The following TRPC5 variants were observed in gnomAD, a reference collection of about 807,000 sequenced individuals.
TRPC5 encodes the protein short transient receptor potential channel 5.
Under a neutral mutation model 56.5 loss-of-function variants are expected in TRPC5, and 9 were observed. The ratio of observed to expected loss-of-function variants is 0.16; its 90% CI spans 0.10 to 0.28. The LOEUF (loss-of-function observed/expected upper bound fraction) is 0.28. Among genes scored for constraint, TRPC5 ranks in the 10% least tolerant of loss-of-function variants. TRPC5 has a pLI of 1.00. For missense variants in TRPC5, 469 were observed against 748.9 expected (o/e 0.63, Z 4.36); for synonymous variants, 282 against 278.5 (o/e 1.01, Z -0.13).
At chrX:111,935,083 C>T (rs1926528182) in intron 2 of TRPC5, among the ~76,000 whole-genome samples, 1 of 111,812 alleles carries the variant, frequency 8.9e-6, no homozygotes, top group African/African-American at 3.3e-5. Flanking sequence ...TTTACATTCC[C>T]ACCAACAGTG....
At chrX:111,909,456 C>T (rs1925746222) in intron 3 of TRPC5, among the ~76,000 whole-genome samples, 2 of 111,086 alleles carry the variant, frequency 1.8e-5, no homozygotes, top group Middle Eastern at 9.3e-3. Flanking sequence ...AAAACTTGTG[C>T]ATCTTCAAAA....
At chrX:111,902,691 G>C (rs1224452271) in intron 3 of TRPC5, 1 of 112,090 alleles carries the variant, frequency 8.9e-6, no homozygotes, top group East Asian at 2.8e-4. Flanking sequence ...GAAAGCATGT[G>C]TCCGACAAAA....
chrX:111,794,642 C>T (rs965708418), intron 7 of TRPC5, among the ~76,000 whole-genome samples: 4 of 111,616 alleles, frequency 3.6e-5, no homozygotes, highest in African/African-American at 1.3e-4. Context: ...ATTTATTTCT[C>T]ACAATTCTGG....
chrX:111,918,637 T>C (rs377459819), intron 2 of TRPC5, among the ~76,000 whole-genome samples: 1 of 111,161 alleles, frequency 9.0e-6, no homozygotes. Flanking sequence ...GTTCAGGTGA[T>C]TGCACTTGAA....
At chrX:112,023,234 G>GTTTTTTTTTTTTTTTTT (rs749260030) in intron 1 of TRPC5, among the ~76,000 whole-genome samples, 1 of 45,962 alleles carries the variant, frequency 2.2e-5, no homozygotes, top group Non-Finnish European at 4.1e-5. Context: ...GCGCCCAGCA[G>GTTTTTTTTTTTTTTTTT]TTTTTTTTTT....
At chrX:112,024,818 C>A (rs925699243) in intron 1 of TRPC5, among the ~76,000 whole-genome samples, 4 of 111,780 alleles carry the variant, frequency 3.6e-5, no homozygotes, top group South Asian at 3.8e-4. Flanking sequence ...GACCTGTAAT[C>A]CTGACTCAAT....
intron 1 of TRPC5, among the ~76,000 whole-genome samples, chrX:111,956,770 C>A (rs938989466): frequency 9.0e-6 from 1 of 111,650 alleles, no homozygotes; most frequent in South Asian, 3.8e-4. Context: ...TCTAGAATAA[C>A]CCCCAGCCCA....
chrX:111,768,490 G>A lies in TRPC5; in HGVS notation c.*7823C>T, dbSNP rs1002693226. ...TGGAATAAATAGAATCCTGTGAAGAGTTTAACTATTGTTCTGTTGAATAGT... is the reference window on the plus strand; with the variant it reads ...TGGAATAAATAGAATCCTGTGAAGAATTTAACTATTGTTCTGTTGAATAGT... On this transcript the variant is annotated 3_prime_UTR_variant, in exon 11 of 11. Transcript: ENST00000262839. Among the ~76,000 whole-genome samples the A allele has an allele frequency of 9.8e-5, 11 of 111,837 alleles. No homozygotes were observed. The highest frequency in any genetic ancestry group is 1.3e-4 in the Non-Finnish European group (7 of 53,121).
chrX:112,006,472 T>C (rs1433595639), intron 1 of TRPC5, among the ~76,000 whole-genome samples: 1 of 111,754 alleles, frequency 8.9e-6, no homozygotes. Flanking sequence ...TGGTATCTCT[T>C]TTTTACAGAT....
chrX:111,851,510 G>GGTGTGTGT lies in TRPC5; in HGVS notation c.1377+780_1377+787dup, dbSNP rs563243659. 8.2e-3 allele frequency among the ~76,000 whole-genome samples: 816 copies of GGTGTGTGT among 99,055 alleles called. 12 individuals carry two copies. The highest frequency in any genetic ancestry group is 0.029 in the African/African-American group (780 of 26,708). 86.0% of individuals were successfully genotyped at this position (99,055 alleles called of 115,157 possible). On this transcript the variant is annotated intron_variant, in intron 5 of 10. Coordinates refer to ENST00000262839, the MANE Select transcript of TRPC5 (RefSeq NM_012471.3). The stretch of plus-strand genomic sequence containing the variant: ...TGTTGTGTGGGAAAAGTATTAAGGT[G>GGTGTGTGT]GTGTGTGTGTGTGTGTGTGTGTGTG...
chrX:111,995,435 T>G (rs993391882), intron 1 of TRPC5, among the ~76,000 whole-genome samples: 8 of 111,627 alleles, frequency 7.2e-5, no homozygotes, highest in Non-Finnish European at 1.5e-4. Flanking sequence ...TCTTTTTTTG[T>G]GTGTCTCTGC....
chrX:111,880,460 G>A (rs1924157275), intron 3 of TRPC5, among the ~76,000 whole-genome samples: 1 of 112,357 alleles, frequency 8.9e-6, no homozygotes, highest in Non-Finnish European at 1.9e-5. Flanking sequence ...ACAGCCACAG[G>A]CCCTGTCTGG....
intron 1 of TRPC5, among the ~76,000 whole-genome samples, chrX:112,034,041 A>C (rs2147721159): frequency 8.9e-6 from 1 of 112,313 alleles, no homozygotes; most frequent in African/African-American, 3.2e-5. Flanking sequence ...CTTTGTAGTA[A>C]GTTTTTAAAA....
chrX:112,014,703 T>C (rs1277061350), intron 1 of TRPC5, among the ~76,000 whole-genome samples: 1 of 111,957 alleles, frequency 8.9e-6, no homozygotes, highest in Non-Finnish European at 1.9e-5. Context: ...TACCTCCTGA[T>C]TTCTCATGAG....
chrX:111,936,843 C>A (rs1199152145), intron 2 of TRPC5, among the ~76,000 whole-genome samples: 1 of 97,475 alleles, frequency 1.0e-5, no homozygotes, highest in Non-Finnish European at 2.1e-5. Context: ...GATTTATAGT[C>A]CTTTGGGTAT....
At chrX:111,841,273 C>G (rs746624094) in intron 6 of TRPC5, among the ~76,000 whole-genome samples, 1 of 111,944 alleles carries the variant, frequency 8.9e-6, no homozygotes, top group African/African-American at 3.2e-5. Context: ...TTTCGCTTTT[C>G]GTGTGTTCAT....
At chrX:112,016,947 T>C (rs1158160835) in intron 1 of TRPC5, among the ~76,000 whole-genome samples, 4 of 112,340 alleles carry the variant, frequency 3.6e-5, no homozygotes, top group Non-Finnish European at 3.8e-5. Context: ...AGCACTTAGC[T>C]TGGCACATTT....
intron 6 of TRPC5, among the ~76,000 whole-genome samples, chrX:111,837,973 G>A (rs943683042): frequency 9.2e-6 from 1 of 108,278 alleles, no homozygotes; most frequent in African/African-American, 3.4e-5. Flanking sequence ...GTGGGAGGCT[G>A]AGGTGGGAGG....
intron 1 of TRPC5, among the ~76,000 whole-genome samples, chrX:111,964,348 T>C (rs777548209): frequency 8.3e-4 from 93 of 112,257 alleles, no homozygotes; most frequent in African/African-American, 3.0e-3. Context: ...CTACGTCTGA[T>C]TGGTATACCT....
Sources: gnomAD v4.1 joint callset for allele counts (sites outside exome capture counted in the v4.1 genomes callset) on GRCh38, gnomAD v4.1.1 for gene constraint, MANE v1.5 for transcripts, NCBI Gene and HGNC (gene_info 2026-07-23, HGNC 2026-07-21) for gene names.